LANCL3: variants seen among roughly 807,000 people sequenced by gnomAD.
LANCL3 encodes LanC like family member 3.
Under a neutral mutation model 26.5 loss-of-function variants are expected in LANCL3, and 19 were observed. That is an observed-to-expected ratio of 0.72 (90% CI 0.50 to 1.05). The LOEUF (loss-of-function observed/expected upper bound fraction) is 1.05. Among genes scored for constraint, LANCL3 ranks in the 50% least tolerant of loss-of-function variants. LANCL3 has a pLI of 0.00. For missense variants in LANCL3, 318 were observed against 362.7 expected, an observed-to-expected ratio of 0.88 and a Z score of 1.00; for synonymous variants, 160 against 166.6, an observed-to-expected ratio of 0.96 and a Z score of 0.30.
chrX:37,661,992 A>G (rs1926432139), intron 3 of LANCL3, among the ~76,000 whole-genome samples: 1 of 112,204 alleles, frequency 8.9e-6, no homozygotes, highest in Admixed American at 9.4e-5. Flanking sequence ...ACCTTAAGAA[A>G]GGGTGACTTT....
At chrX:37,578,857 G>C in intron 1 of LANCL3, among the ~76,000 whole-genome samples, 1 of 108,539 alleles carries the variant, frequency 9.2e-6, no homozygotes, top group Non-Finnish European at 1.9e-5. Flanking sequence ...GTAGGTGCCT[G>C]TAATCCTAGC....
chrX:37,583,668 G>T (rs1463941777), intron 1 of LANCL3, among the ~76,000 whole-genome samples: 3 of 112,118 alleles, frequency 2.7e-5, no homozygotes, highest in Non-Finnish European at 3.8e-5. Flanking sequence ...CATTGATTTT[G>T]TATCCTGAGA....
chrX:37,634,606 A>T (rs1970539812), intron 1 of LANCL3, among the ~76,000 whole-genome samples: 1 of 112,572 alleles, frequency 8.9e-6, no homozygotes, highest in African/African-American at 3.2e-5. Context: ...GTAATGTGTG[A>T]TTTTGGATTG....
chrX:37,630,599 G>A (rs1394224470), intron 1 of LANCL3, among the ~76,000 whole-genome samples: 1 of 109,407 alleles, frequency 9.1e-6, no homozygotes, highest in African/African-American at 3.4e-5. Context: ...GTCATAGATA[G>A]CTCTTATTAT....
At chrX:37,635,023 G>A (rs1160665683) in intron 1 of LANCL3, among the ~76,000 whole-genome samples, 1 of 108,760 alleles carries the variant, frequency 9.2e-6, no homozygotes, top group Non-Finnish European at 1.9e-5. Context: ...AAACCTCACA[G>A]AATTAAAAAA....
rs368249813 is a variant in LANCL3 at position 37,655,802 on chromosome X, G to A, written c.688G>A (p.Glu230Lys). The change falls in exon 2 of 5, where the codon GAA becomes AAA. Residue 230 changes from glutamate to lysine, a missense_variant. Physicochemically the swap from Glu to Lys is moderately conservative, Grantham distance 56. Transcript: ENST00000378619. Reference sequence around the variant, plus strand: ...CCTGATGTATTCTTACTATGGAACCGAATACTTGGGTAAGTGAAGGTGTTT... The same window carrying A: ...CCTGATGTATTCTTACTATGGAACCAAATACTTGGGTAAGTGAAGGTGTTT... ...FPLMYSYYGT[E>K]YLGAAHGLSS... 9 of 1,203,883 alleles carry A rather than the reference G, an allele frequency of 7.5e-6. No homozygotes were observed. Among genetic ancestry groups the A allele is most frequent in the Non-Finnish European group, 6.7e-6 (6 of 891,521 alleles).
At chrX:37,613,233 A>G (rs782250714) in intron 1 of LANCL3, among the ~76,000 whole-genome samples, 3 of 110,237 alleles carry the variant, frequency 2.7e-5, no homozygotes, top group Non-Finnish European at 3.8e-5. Flanking sequence ...TTTATGTTCC[A>G]TGGTCTACTT....
intron 1 of LANCL3, among the ~76,000 whole-genome samples, chrX:37,598,863 A>G (rs1457149152): frequency 1.8e-5 from 2 of 112,064 alleles, no homozygotes; most frequent in Admixed American, 1.9e-4. Flanking sequence ...TTTTTTCCCA[A>G]GTAGTTGACA....
At chrX:37,572,645 T>G (rs1923636557) in intron 1 of LANCL3, among the ~76,000 whole-genome samples, 1 of 112,332 alleles carries the variant, frequency 8.9e-6, no homozygotes, top group Non-Finnish European at 1.9e-5. Flanking sequence ...AGTCTCTCAT[T>G]TGTTGAGATT....
At chrX:37,576,109 C>T (rs1923738539) in intron 1 of LANCL3, among the ~76,000 whole-genome samples, 1 of 112,117 alleles carries the variant, frequency 8.9e-6, no homozygotes, top group Non-Finnish European at 1.9e-5. Context: ...TATGTGTGGA[C>T]ATTTCCCCTG....
chrX:37,574,532 T>C (rs1393432505), intron 1 of LANCL3, among the ~76,000 whole-genome samples: 2 of 111,935 alleles, frequency 1.8e-5, no homozygotes, highest in Non-Finnish European at 3.8e-5. Flanking sequence ...TAGTGCAATA[T>C]ACTTTGAGCT....
chrX:37,642,329 A>G (rs1556425996), intron 1 of LANCL3, among the ~76,000 whole-genome samples: 1 of 111,959 alleles, frequency 8.9e-6, no homozygotes, highest in African/African-American at 3.3e-5. Context: ...GGCTGTAAGT[A>G]ACCCAATGAA....
intron 1 of LANCL3, among the ~76,000 whole-genome samples, chrX:37,599,245 G>A (rs1556419797): frequency 1.8e-5 from 2 of 111,937 alleles, no homozygotes; most frequent in African/African-American, 6.5e-5. Flanking sequence ...ATGTTATTTT[G>A]TGAAAATATC....
In LANCL3 at chrX:37,572,135, C is replaced by G. The variant is rs1556415641; in HGVS notation, c.265C>G (p.Arg89Gly). Residue 89 changes from arginine (R) to glycine (G), a missense_variant, in exon 1 of 5, where the codon CGG becomes GGG. By Grantham distance (125) the Arg-to-Gly change is moderately radical (BLOSUM62 -2). Transcript: ENST00000378619. ...VSQSPLFATA[R>G]ERYLRSAKRL... ...GCAGAGCCCGCTTTTCGCCACGGCC[C>G]GGGAACGCTACCTGCGCTCGGCTAA... The G allele has an allele frequency of 8.4e-7, 1 of 1,194,922 alleles. No homozygotes were observed. The highest frequency in any genetic ancestry group is 1.1e-6 in the Non-Finnish European group (1 of 892,381).
intron 4 of LANCL3, among the ~76,000 whole-genome samples, chrX:37,674,350 T>C (rs1926747833): frequency 8.9e-6 from 1 of 112,175 alleles, no homozygotes; most frequent in African/African-American, 3.2e-5. Context: ...TATGCAGAAA[T>C]GCTAGCAGTT....
chrX:37,577,210 T>C (rs186083303), intron 1 of LANCL3, among the ~76,000 whole-genome samples: 127 of 112,775 alleles, frequency 1.1e-3, no homozygotes, highest in Non-Finnish European at 1.6e-3. Context: ...CAAGGACTCC[T>C]TGTCAGTCTG....
intron 1 of LANCL3, among the ~76,000 whole-genome samples, chrX:37,601,953 A>G (rs1924584939): frequency 8.9e-6 from 1 of 111,892 alleles, no homozygotes; most frequent in East Asian, 2.8e-4. Context: ...TGGGTAGGCA[A>G]CAAACTGGTG....
chrX:37,583,231 A>G (rs1458124693), intron 1 of LANCL3, among the ~76,000 whole-genome samples: 5 of 111,931 alleles, frequency 4.5e-5, no homozygotes, highest in Admixed American at 2.8e-4. Context: ...CTTGTAGTAT[A>G]GTTTGAAGTC....
intron 1 of LANCL3, among the ~76,000 whole-genome samples, chrX:37,639,300 TTA>T (rs782676623): frequency 2.2e-4 from 22 of 101,954 alleles, no homozygotes; most frequent in East Asian, 1.9e-3. Flanking sequence ...TATATGTATA[TTA>T]TATATATATA....
Sources: allele counts gnomAD v4.1 joint callset (sites outside exome capture counted in the v4.1 genomes callset), GRCh38; gene constraint gnomAD v4.1.1; transcripts MANE v1.5; gene names NCBI Gene and HGNC (gene_info 2026-07-23, HGNC 2026-07-21).